The following SERGEF variants were observed in gnomAD, a reference collection of about 807,000 sequenced individuals.
The protein encoded by SERGEF is secretion-regulating guanine nucleotide exchange factor.
A neutral mutation model predicts 50.0 loss-of-function variants in SERGEF; 51 were observed. The observed-to-expected ratio is 1.02, with a 90% confidence interval of 0.81 to 1.29. The LOEUF (loss-of-function observed/expected upper bound fraction) is 1.29. Ranked by LOEUF, SERGEF falls within the 50% of genes most tolerant of loss-of-function variation. The probability of loss-of-function intolerance (pLI) is 0.00; values close to 1 mark genes in which losing one functional copy is unlikely to be tolerated. For missense variants in SERGEF, 521 were observed against 557.0 expected (o/e 0.94, Z 0.65); for synonymous variants, 205 against 212.4 (o/e 0.97, Z 0.30).
chr11:17,889,526 A>G (rs1851494131), intron 9 of SERGEF, among the ~76,000 whole-genome samples: 3 of 152,250 alleles, frequency 2.0e-5, no homozygotes, highest in South Asian at 4.1e-4. Context: ...TCAATGTCAT[A>G]AGAGATAAAG....
chr11:17,797,829 G>A (rs953616659), intron 10 of SERGEF, among the ~76,000 whole-genome samples: 9 of 152,332 alleles, frequency 5.9e-5, no homozygotes, highest in South Asian at 4.1e-4. Context: ...CCATGGGCAC[G>A]GCAATTGTAG....
At chr11:17,915,640 C>A (rs189529986) in intron 9 of SERGEF, among the ~76,000 whole-genome samples, 1 of 152,344 alleles carries the variant, frequency 6.6e-6, no homozygotes, top group East Asian at 1.9e-4. Context: ...GATCTCATAA[C>A]AGTCTTTGCT....
intron 10 of SERGEF, chr11:17,866,651 T>G (rs1320888661): frequency 6.6e-6 from 1 of 152,240 alleles, no homozygotes; most frequent in Non-Finnish European, 1.5e-5. Context: ...ATTACAGGCA[T>G]GTGCCACTAA....
At chr11:17,978,392 C>T (rs1853423778) in intron 8 of SERGEF, among the ~76,000 whole-genome samples, 1 of 152,228 alleles carries the variant, frequency 6.6e-6, no homozygotes, top group South Asian at 2.1e-4. Context: ...AGAGATGACC[C>T]CTAATTCTAT....
intron 9 of SERGEF, among the ~76,000 whole-genome samples, chr11:17,946,710 C>T (rs1430869473): frequency 1.3e-5 from 2 of 152,186 alleles, no homozygotes; most frequent in Non-Finnish European, 2.9e-5. Context: ...CCTCTGTGTT[C>T]TCACCCTAAA....
intron 9 of SERGEF, among the ~76,000 whole-genome samples, chr11:17,895,100 C>A (rs576660459): frequency 6.7e-4 from 102 of 152,290 alleles, no homozygotes; most frequent in African/African-American, 2.0e-3. Context: ...GCTGCAGCTG[C>A]ACAGCAGAGC....
rs542417090 is a variant in SERGEF, at chr11:17,944,632, T to G, written c.1011+14838A>C. 7.9e-5 allele frequency among the ~76,000 whole-genome samples: 12 copies of G among 152,310 alleles called. No homozygotes were observed. The South Asian group carries it at 2.5e-3, about 32-fold the overall frequency. On this transcript the variant is annotated intron_variant, in intron 9 of 10. Coordinates refer to ENST00000265965, the MANE Select transcript of SERGEF (RefSeq NM_012139.4). ...TGTCTGAGTTTATAGTTGATTTCTG[T>G]AGGAGGACTGGTCTGATAGAAACTA...
At chr11:17,935,756 G>A (rs1018399461) in intron 9 of SERGEF, among the ~76,000 whole-genome samples, 2 of 152,140 alleles carry the variant, frequency 1.3e-5, no homozygotes, top group Non-Finnish European at 2.9e-5. Context: ...CTGAAGAACT[G>A]AGACATCAAG....
At chr11:17,870,905 A>G (rs1465589942) in intron 10 of SERGEF, among the ~76,000 whole-genome samples, 1 of 152,206 alleles carries the variant, frequency 6.6e-6, no homozygotes, top group African/African-American at 2.4e-5. Context: ...ATAAAAAAGA[A>G]TCTAAAAGCA....
chr11:17,945,666 C>A (rs932561005), intron 9 of SERGEF, among the ~76,000 whole-genome samples: 1 of 152,070 alleles, frequency 6.6e-6, no homozygotes, highest in African/African-American at 2.4e-5. Flanking sequence ...CAGCAGCTAG[C>A]CTGCCACTAT....
chr11:17,989,545 T>G (rs186628415), intron 7 of SERGEF, among the ~76,000 whole-genome samples: 2 of 152,362 alleles, frequency 1.3e-5, no homozygotes, highest in Admixed American at 6.5e-5. Flanking sequence ...AGAGAGTACG[T>G]GCCTATCTAA....
intron 10 of SERGEF, among the ~76,000 whole-genome samples, chr11:17,858,166 A>G (rs1362405275): frequency 2.0e-5 from 3 of 152,210 alleles, no homozygotes; most frequent in Non-Finnish European, 4.4e-5. Flanking sequence ...GCCTGAAAGT[A>G]TATTTATGGG....
chr11:17,797,170 C>T (rs774629919), intron 10 of SERGEF, among the ~76,000 whole-genome samples: 5 of 152,236 alleles, frequency 3.3e-5, no homozygotes, highest in Non-Finnish European at 5.9e-5. Context: ...TTCTATTCTC[C>T]ACACAGCAAC....
At chr11:18,001,393 G>C (rs1327466862) in intron 4 of SERGEF, among the ~76,000 whole-genome samples, 1 of 152,150 alleles carries the variant, frequency 6.6e-6, no homozygotes. Context: ...AGGCACTAAG[G>C]CTTCCTGCTT....
intron 1 of SERGEF, 78 bp from the exon 2 acceptor site, chr11:18,008,154 T>A: frequency 7.0e-7 from 1 of 1,423,868 alleles, no homozygotes; most frequent in Non-Finnish European, 9.7e-7. Context: ...TCTGTCTCTC[T>A]CACCCTGACG....
chr11:17,859,418 C>T (rs570712137), intron 10 of SERGEF, among the ~76,000 whole-genome samples: 2 of 151,820 alleles, frequency 1.3e-5, no homozygotes, highest in South Asian at 4.2e-4. Flanking sequence ...TAAAAACATG[C>T]CCAAGAGGAA....
intron 9 of SERGEF, among the ~76,000 whole-genome samples, chr11:17,938,435 A>T (rs1022413950): frequency 6.6e-6 from 1 of 152,200 alleles, no homozygotes; most frequent in Non-Finnish European, 1.5e-5. Context: ...AAAGCCATAC[A>T]GCAAGTTATC....
chr11:17,906,225 G>C (rs1007145285), intron 9 of SERGEF, among the ~76,000 whole-genome samples: 1 of 152,140 alleles, frequency 6.6e-6, no homozygotes, highest in African/African-American at 2.4e-5. Context: ...CAGGCAAACT[G>C]AAACATTACC....
intron 10 of SERGEF, among the ~76,000 whole-genome samples, chr11:17,839,306 T>C (rs888709080): frequency 2.0e-5 from 3 of 152,140 alleles, no homozygotes; most frequent in African/African-American, 7.2e-5. Flanking sequence ...AATAAAAACA[T>C]TGTGAACCTC....
Sources: allele counts gnomAD v4.1 joint callset (sites outside exome capture counted in the v4.1 genomes callset), GRCh38; gene constraint gnomAD v4.1.1; transcripts MANE v1.5; gene names NCBI Gene and HGNC (gene_info 2026-07-23, HGNC 2026-07-21).